THSD4: variants seen among roughly 807,000 people sequenced by gnomAD.
THSD4 encodes thrombospondin type-1 domain-containing protein 4.
In THSD4, 69 loss-of-function variants were observed where a neutral mutation model predicts 119.0. The observed-to-expected ratio is 0.58, with a 90% confidence interval of 0.48 to 0.71. The LOEUF is 0.71. THSD4 is among the 30% of genes least tolerant of loss of function. THSD4 has a pLI of 0.00. For missense variants in THSD4, 1,393 were observed against 1,391.1 expected, an observed-to-expected ratio of 1.00 and a Z score of -0.02; for synonymous variants, 524 against 540.4, an observed-to-expected ratio of 0.97 and a Z score of 0.42.
chr15:71,171,536 G>GGAA (rs1248631631), intron 3 of THSD4, among the ~76,000 whole-genome samples: 1 of 152,168 alleles, frequency 6.6e-6, no homozygotes, highest in African/African-American at 2.4e-5. Context: ...TTAGGCAGAA[G>GGAA]GAAGATATCA....
intron 3 of THSD4, among the ~76,000 whole-genome samples, chr15:71,196,751 C>T (rs938584181): frequency 7.2e-5 from 11 of 151,928 alleles, no homozygotes; most frequent in African/African-American, 2.4e-4. Flanking sequence ...AGCAGGAACA[C>T]GGGAAAGAGA....
At chr15:71,180,171 T>TA (rs61126896) in intron 3 of THSD4, among the ~76,000 whole-genome samples, 5 of 141,380 alleles carry the variant, frequency 3.5e-5, no homozygotes, top group African/African-American at 1.4e-4. Flanking sequence ...AAAAAAAAAA[T>TA]AAAAAAAAAA....
chr15:71,311,539 C>T (rs576728458), intron 6 of THSD4, among the ~76,000 whole-genome samples: 8 of 152,282 alleles, frequency 5.3e-5, no homozygotes, highest in Admixed American at 5.2e-4. Context: ...TTTGTCTGAT[C>T]CCGGGGTTTC....
chr15:71,535,593 G>A (rs911408039), intron 7 of THSD4, among the ~76,000 whole-genome samples: 1 of 152,178 alleles, frequency 6.6e-6, no homozygotes, highest in African/African-American at 2.4e-5. Context: ...CTAGTAGTAT[G>A]TAAGATTTCC....
chr15:71,406,792 G>C (rs2046615710), intron 6 of THSD4, among the ~76,000 whole-genome samples: 2 of 151,834 alleles, frequency 1.3e-5, no homozygotes, highest in South Asian at 4.2e-4. Flanking sequence ...CAATTCTCTT[G>C]CCTCAGCCTC....
chr15:71,247,096 C>A (rs2044210420), intron 5 of THSD4, among the ~76,000 whole-genome samples: 1 of 152,034 alleles, frequency 6.6e-6, no homozygotes, highest in African/African-American at 2.4e-5. Context: ...TGGGGTTTTA[C>A]CATGTTGGCC....
At chr15:71,197,132 A>G (rs766382516) in intron 3 of THSD4, among the ~76,000 whole-genome samples, 15 of 152,218 alleles carry the variant, frequency 9.9e-5, no homozygotes, top group Non-Finnish European at 1.9e-4. Context: ...GTGCAACAGA[A>G]CTATTCTCTG....
At chr15:71,306,570 T>C (rs78181609) in intron 6 of THSD4, among the ~76,000 whole-genome samples, 4,717 of 152,248 alleles carry the variant, frequency 0.031, 126 homozygotes, top group African/African-American at 0.077. Flanking sequence ...CATTTGTGTT[T>C]TATAAAGTAT....
intron 6 of THSD4, among the ~76,000 whole-genome samples, chr15:71,299,976 A>AAAAAAAT (rs1555462049): frequency 2.1e-5 from 1 of 48,320 alleles, no homozygotes; most frequent in African/African-American, 7.7e-5. Context: ...AAAAAAAAAA[A>AAAAAAAT]ATATATATAT....
At position 71,772,269 on chromosome 15, in the gene THSD4, T is replaced by A. The variant is rs1306406226; in HGVS notation, c.2914+1061T>A. ...AACATCCTTCCTATCCCAGGGAAGA[T>A]GTGTCAGTTACAGCATAGATGCTTT... On this transcript the variant is annotated intron_variant, in intron 17 of 17. Transcript: ENST00000261862. 2.0e-5 allele frequency among the ~76,000 whole-genome samples: 3 copies of A among 152,216 alleles called. No individual in the cohort carries two copies. In the East Asian group the frequency reaches 5.8e-4, roughly 29 times the overall value.
intron 7 of THSD4, among the ~76,000 whole-genome samples, chr15:71,441,200 G>A (rs906268111): frequency 1.3e-5 from 2 of 152,094 alleles, no homozygotes; most frequent in Non-Finnish European, 2.9e-5. Context: ...GATGGGTAAT[G>A]GTGATGGTGA....
intron 7 of THSD4, among the ~76,000 whole-genome samples, chr15:71,613,701 CT>C (rs546785165): frequency 1.2e-3 from 185 of 152,282 alleles, no homozygotes; most frequent in African/African-American, 4.3e-3. Context: ...AGGGTTTCTT[CT>C]GTGCACACAC....
intron 7 of THSD4, among the ~76,000 whole-genome samples, chr15:71,442,658 G>GTATGTATGTATGTA (rs1555414314): frequency 1.6e-4 from 5 of 31,344 alleles, no homozygotes; most frequent in African/African-American, 4.9e-4. Flanking sequence ...GTGTGTGTGT[G>GTATGTATGTATGTA]TGTATATATA....
intron 7 of THSD4, among the ~76,000 whole-genome samples, chr15:71,556,779 A>G (rs920740891): frequency 6.6e-6 from 1 of 151,270 alleles, no homozygotes; most frequent in African/African-American, 2.4e-5. Flanking sequence ...AAAAAAAAAA[A>G]GTACAACTGA....
intron 14 of THSD4, 115 bp downstream of exon 14, chr15:71,748,709 G>GAAAAAAAAAA: frequency 2.4e-6 from 3 of 1,265,996 alleles, no homozygotes; most frequent in Admixed American, 2.6e-5. Context: ...GCTCTGGGGG[G>GAAAAAAAAAA]AAAAAAAAGG....
intron 7 of THSD4, among the ~76,000 whole-genome samples, chr15:71,594,826 A>C (rs1316001165): frequency 6.6e-6 from 1 of 152,208 alleles, no homozygotes; most frequent in Admixed American, 6.5e-5. Context: ...AAGTTAACAA[A>C]GTATATTTTA....
At chr15:71,270,835 T>C in intron 6 of THSD4, among the ~76,000 whole-genome samples, 1 of 39,144 alleles carries the variant, frequency 2.6e-5, no homozygotes, top group African/African-American at 8.2e-5. Context: ...ATCTCTCTTT[T>C]TTTTTTTTTT....
At chr15:71,604,129 A>G (rs1008039530) in intron 7 of THSD4, among the ~76,000 whole-genome samples, 1 of 152,168 alleles carries the variant, frequency 6.6e-6, no homozygotes, top group Non-Finnish European at 1.5e-5. Flanking sequence ...GGGATAGTGA[A>G]GATAATGAAA....
At chr15:71,252,115 C>A (rs2044265883) in intron 5 of THSD4, among the ~76,000 whole-genome samples, 1 of 152,186 alleles carries the variant, frequency 6.6e-6, no homozygotes, top group South Asian at 2.1e-4. Flanking sequence ...TGATCTCTAT[C>A]TACATGGCTT....
Sources: allele counts gnomAD v4.1 joint callset (sites outside exome capture counted in the v4.1 genomes callset), GRCh38; gene constraint gnomAD v4.1.1; transcripts MANE v1.5; gene names NCBI Gene and HGNC (gene_info 2026-07-23, HGNC 2026-07-21).